Variants in STXBP6 observed in about 807,000 individuals in gnomAD.
STXBP6 encodes syntaxin-binding protein 6.
In STXBP6, 21 loss-of-function variants were observed where a neutral mutation model predicts 26.9. The ratio of observed to expected loss-of-function variants is 0.78; its 90% CI spans 0.55 to 1.12. The LOEUF (loss-of-function observed/expected upper bound fraction) is 1.12. Among genes scored for constraint, STXBP6 ranks in the 50% most tolerant of loss-of-function variants. The pLI, the probability that STXBP6 is intolerant of heterozygous loss-of-function variation, is 0.00. For synonymous variants in STXBP6, 97 were observed against 92.6 expected, an observed-to-expected ratio of 1.05 and a Z score of -0.27; for missense variants, 232 against 257.9, an observed-to-expected ratio of 0.90 and a Z score of 0.69.
intron 2 of STXBP6, among the ~76,000 whole-genome samples, chr14:24,945,918 C>T (rs113689487): frequency 0.014 from 2,066 of 152,126 alleles, 43 homozygotes; most frequent in African/African-American, 0.048. Context: ...ATAGTCAAAA[C>T]GGTTGAACTC....
In STXBP6 at chr14:25,049,968, G is replaced by T. The variant is rs897254241; in HGVS notation, c.-123C>A. 31 of 747,156 alleles carry T rather than the reference G, an allele frequency of 4.1e-5. No individual in the cohort carries two copies. The highest frequency in any genetic ancestry group is 2.4e-4 in the South Asian group (4 of 16,484). The allele number at this position is 747,156 out of a possible 1,614,324, so 46.3% of individuals were successfully genotyped here. On this transcript the variant is annotated 5_prime_UTR_variant, in exon 1 of 6. Transcript: ENST00000323944. This position sits in a 1 kb window ranked among gnomAD's most constrained non-coding sequence, Gnocchi z 5.6. Reference sequence around the variant, plus strand: ...TCCCCGGGGGGCTGCCCCGCGCGGGGCTCCGGGCTCCGGACAAGGCTTAGC... The same window carrying T: ...TCCCCGGGGGGCTGCCCCGCGCGGGTCTCCGGGCTCCGGACAAGGCTTAGC...
chr14:24,985,283 A>G (rs953957887), intron 1 of STXBP6, among the ~76,000 whole-genome samples: 1 of 152,238 alleles, frequency 6.6e-6, no homozygotes, highest in African/African-American at 2.4e-5. Flanking sequence ...GACAATGCCT[A>G]TGAAAGCCTC....
chr14:24,875,504 T>G (rs967505217), intron 2 of STXBP6, among the ~76,000 whole-genome samples: 1 of 152,164 alleles, frequency 6.6e-6, no homozygotes, highest in Non-Finnish European at 1.5e-5. Context: ...GATTGTTGGA[T>G]GAACTGTTGG....
intron 4 of STXBP6, among the ~76,000 whole-genome samples, chr14:24,847,874 A>G (rs1566406584): frequency 1.3e-5 from 2 of 152,202 alleles, no homozygotes; most frequent in Admixed American, 1.3e-4. Context: ...AGTCAGCAGT[A>G]ACATGTGCAC....
chr14:24,931,097 G>T (rs9743955), intron 2 of STXBP6, among the ~76,000 whole-genome samples: 59,362 of 114,116 alleles, frequency 0.52, 15,730 homozygotes, highest in South Asian at 0.6. Flanking sequence ...CGGCCTGGGC[G>T]ACAGAGCGAG....
chr14:24,835,454 C>T (rs2068583509), intron 4 of STXBP6, among the ~76,000 whole-genome samples: 1 of 152,060 alleles, frequency 6.6e-6, no homozygotes, highest in African/African-American at 2.4e-5. Context: ...AAAAACAAAT[C>T]AAGTCAATGA....
chr14:25,035,983 T>G (rs1403797318), intron 1 of STXBP6, among the ~76,000 whole-genome samples: 1 of 151,974 alleles, frequency 6.6e-6, no homozygotes, highest in East Asian at 1.9e-4. Context: ...TTTGGGAGAC[T>G]GAGGTGGGTG....
chr14:24,845,147 G>A (rs1437131106), intron 4 of STXBP6, among the ~76,000 whole-genome samples: 2 of 151,986 alleles, frequency 1.3e-5, no homozygotes, highest in East Asian at 1.9e-4. Context: ...GAGTAGCTGC[G>A]ACTACAGGCA....
At position 24,809,827 on chromosome 14, in the gene STXBP6, T is replaced by C. The variant is rs2067770989; in HGVS notation, c.*2882A>G. The C allele has an allele frequency of 6.6e-6, 1 of 152,190 alleles. No individual in the cohort carries two copies. The highest frequency in any genetic ancestry group is 1.9e-4 in the East Asian group (1 of 5,198). The allele number at this position is 152,190 out of a possible 1,614,324, so 9.4% of individuals were successfully genotyped here. A position where few individuals can be genotyped will look rare whatever the true frequency, so the allele number is the denominator to read the frequency against. ...TCAGTAGTGTCACAATTTCTAAAAT[T>C]AAGAGCTAAACCTATCTTTAATGCC... On this transcript the variant is annotated 3_prime_UTR_variant, in exon 6 of 6. Transcript: ENST00000323944.
chr14:24,848,713 T>A (rs1197803517), intron 4 of STXBP6, among the ~76,000 whole-genome samples: 1 of 152,106 alleles, frequency 6.6e-6, no homozygotes, highest in Non-Finnish European at 1.5e-5. Flanking sequence ...CTGTGACCCA[T>A]TTTTCCTTAG....
rs982825661 is a variant in STXBP6 at position 24,893,173 on chromosome 14, A to C, written c.155-36016T>G. On this transcript the variant is annotated intron_variant, in intron 2 of 5. Transcript: ENST00000323944. ...TTATTGATTTTGATCTAATGATAGT[A>C]ATATTTACAGAGAAACTAGCCTTTC... Among the ~76,000 whole-genome samples the C allele has an allele frequency of 9.2e-5, 14 of 152,232 alleles. 2 individuals are homozygous for C. The highest frequency in any genetic ancestry group is 3.9e-4 in the Admixed American group (6 of 15,292).
intron 2 of STXBP6, among the ~76,000 whole-genome samples, chr14:24,874,581 A>G (rs1166695799): frequency 6.6e-6 from 1 of 152,138 alleles, no homozygotes; most frequent in African/African-American, 2.4e-5. Flanking sequence ...CCAAAGCATA[A>G]AGCCAAGCAG....
chr14:24,874,040 C>G (rs954953705), intron 2 of STXBP6, among the ~76,000 whole-genome samples: 3 of 152,154 alleles, frequency 2.0e-5, no homozygotes, highest in Non-Finnish European at 4.4e-5. Flanking sequence ...TGTAGGATCA[C>G]AAACTAAAGT....
chr14:24,965,980 G>A (rs1194800001), intron 2 of STXBP6, among the ~76,000 whole-genome samples: 1 of 152,188 alleles, frequency 6.6e-6, no homozygotes, highest in Non-Finnish European at 1.5e-5. Flanking sequence ...ATGCCAGAAG[G>A]ACAGCTGCCT....
chr14:25,000,941 T>C (rs1293595868), intron 1 of STXBP6, among the ~76,000 whole-genome samples: 1 of 152,030 alleles, frequency 6.6e-6, no homozygotes, highest in Non-Finnish European at 1.5e-5. Flanking sequence ...CAATTTCCCC[T>C]CTATCTTTGG....
intron 2 of STXBP6, among the ~76,000 whole-genome samples, chr14:24,893,162 C>A (rs372343874): frequency 1.3e-5 from 2 of 152,260 alleles, no homozygotes; most frequent in African/African-American, 2.4e-5. Context: ...TGATTTTGAT[C>A]TAATGATAGT....
In STXBP6 at chr14:24,914,869, AC is replaced by A. The variant is rs572229549; in HGVS notation, c.155-57713del. On this transcript the variant is annotated intron_variant, in intron 2 of 5. Transcript: ENST00000323944. Reference sequence around the variant, plus strand: ...TCCAAAGGATGTAGCTCTTAGCTTTACAGATTTTGCTCATTTTCAGAAAATC... The same window carrying A: ...TCCAAAGGATGTAGCTCTTAGCTTTAAGATTTTGCTCATTTTCAGAAAATC... 7.9e-5 allele frequency among the ~76,000 whole-genome samples: 12 copies of A among 152,318 alleles called. No individual in the cohort carries two copies. In the South Asian group the frequency reaches 2.3e-3, roughly 29 times the overall value.
At chr14:24,849,083 CA>C (rs1270128492) in intron 4 of STXBP6, among the ~76,000 whole-genome samples, 3 of 152,076 alleles carry the variant, frequency 2.0e-5, no homozygotes, top group African/African-American at 7.2e-5. Context: ...GTCCCAATAA[CA>C]AAAACACAAA....
intron 2 of STXBP6, among the ~76,000 whole-genome samples, chr14:24,869,068 C>G (rs1368120706): frequency 6.6e-6 from 1 of 152,214 alleles, no homozygotes; most frequent in Non-Finnish European, 1.5e-5. Context: ...TCTTCAGGTA[C>G]CTGGTAGGGT....
Sources: gnomAD v4.1 joint callset for allele counts (sites outside exome capture counted in the v4.1 genomes callset) on GRCh38, gnomAD v4.1.1 for gene constraint, Gnocchi (gnomAD v3.1) non-coding constraint, MANE v1.5 for transcripts, NCBI Gene and HGNC (gene_info 2026-07-23, HGNC 2026-07-21) for gene names.